The following LEPROT variants were observed in gnomAD, a reference collection of about 807,000 sequenced individuals.
The protein encoded by LEPROT is leptin receptor gene-related protein.
In LEPROT, 3 loss-of-function variants were observed where a neutral mutation model predicts 15.4. That is an observed-to-expected ratio of 0.19 (90% CI 0.09 to 0.50). The LOEUF (loss-of-function observed/expected upper bound fraction) is 0.50. LEPROT is among the 20% of genes least tolerant of loss of function. The pLI is 0.97. For missense variants in LEPROT, 137 were observed against 162.2 expected (o/e 0.84, Z 0.84); for synonymous variants, 59 against 57.5 (o/e 1.03, Z -0.12).
chr1:65,429,971 G>A lies in LEPROT; in HGVS notation c.202G>A (p.Glu68Lys). ...AGATGCAACCAGTAGTGCCTGTCGG[G>A]AACTGGCATATTTCTTCACTACTGG... The part of the protein sequence containing the change: ...DSDATSSACR[E>K]LAYFFTTGIV... The change falls in exon 3 of 4, where the codon GAA becomes AAA. Residue 68 changes from glutamate (E) to lysine (K), a missense_variant. By Grantham distance (56) the Glu-to-Lys change is moderately conservative. Coordinates refer to ENST00000371065, the MANE Select transcript of LEPROT (RefSeq NM_017526.5). 1 of 1,579,416 alleles carries A rather than the reference G, an allele frequency of 6.3e-7. No individual in the cohort carries two copies. The highest frequency in any genetic ancestry group is 8.7e-7 in the Non-Finnish European group (1 of 1,153,612).
chr1:65,433,168 C>T lies in LEPROT; in HGVS notation c.*1249C>T. The T allele has an allele frequency of 1.0e-6, 1 of 985,406 alleles. No homozygotes were observed. The highest frequency in any genetic ancestry group is 4.7e-5 in the South Asian group (1 of 21,286). 61.0% of individuals were successfully genotyped at this position (985,406 alleles called of 1,614,324 possible). On this transcript the variant is annotated 3_prime_UTR_variant, in exon 4 of 4. Coordinates refer to ENST00000371065, the MANE Select transcript of LEPROT (RefSeq NM_017526.5). The stretch of plus-strand genomic sequence containing the variant: ...CTTCTCCCCAGCTCCTTCCCTCTGC[C>T]CCCCACCCCTACTCCTCAACAGTTC...
At chr1:65,424,110 T>C (rs1254993147) in intron 1 of LEPROT, among the ~76,000 whole-genome samples, 1 of 152,158 alleles carries the variant, frequency 6.6e-6, no homozygotes, top group Non-Finnish European at 1.5e-5. Flanking sequence ...GACTCAGAGC[T>C]CAAGATTTTG....
intron 2 of LEPROT, among the ~76,000 whole-genome samples, chr1:65,426,906 G>A (rs1414738350): frequency 6.6e-6 from 1 of 152,170 alleles, no homozygotes; most frequent in East Asian, 1.9e-4. Flanking sequence ...GCTGAGGCAG[G>A]AGAATTGCTT....
chr1:65,420,779 G>A (rs1470688374), intron 1 of LEPROT, 39 bp downstream of exon 1: 3 of 1,568,534 alleles, frequency 1.9e-6, no homozygotes, highest in East Asian at 2.3e-5. Flanking sequence ...GTGTGGTGGG[G>A]TTGCCACCTC....
intron 3 of LEPROT, among the ~76,000 whole-genome samples, chr1:65,430,836 A>G (rs1268267335): frequency 6.6e-6 from 1 of 152,244 alleles, no homozygotes; most frequent in Non-Finnish European, 1.5e-5. Flanking sequence ...CGGTTGAAGC[A>G]TGATCAGAAT....
Position 65,431,806 on chromosome 1 carries a change from A to T in LEPROT, c.283A>T (p.Lys95Ter). The T allele has an allele frequency of 6.2e-7, 1 of 1,612,508 alleles. No individual in the cohort carries two copies. Among genetic ancestry groups the T allele is most frequent in the Non-Finnish European group, 8.5e-7 (1 of 1,179,494 alleles). Residue 95 changes from lysine (K) to a stop codon, truncating the protein, a stop_gained, in exon 4 of 4, where the codon AAA (lysine) becomes TAA (stop). Coordinates refer to ENST00000371065, the MANE Select transcript of LEPROT (RefSeq NM_017526.5). LOFTEE classifies it high-confidence loss of function. Reference sequence around the variant, plus strand: ...TCCTTCTTTTCTTGTCTTTCAGATCAAATGGGGAGCCTGCGGCCTTGTGTT... The same window carrying T: ...TCCTTCTTTTCTTGTCTTTCAGATCTAATGGGGAGCCTGCGGCCTTGTGTT... ...PVILARVAVI[K>*]WGACGLVLAG...
intron 2 of LEPROT, among the ~76,000 whole-genome samples, chr1:65,426,163 C>T (rs1404516309): frequency 1.3e-5 from 2 of 152,094 alleles, no homozygotes; most frequent in Non-Finnish European, 2.9e-5. Flanking sequence ...AGAAAATCAG[C>T]AAGCAGGCCA....
chr1:65,428,709 A>G (rs1646427339), intron 2 of LEPROT, among the ~76,000 whole-genome samples: 1 of 152,174 alleles, frequency 6.6e-6, no homozygotes, highest in South Asian at 2.1e-4. Flanking sequence ...TGTAGTGTAT[A>G]TATAAAAATG....
In LEPROT at chr1:65,433,994, C is replaced by T; in HGVS notation, c.*2075C>T. On this transcript the variant is annotated 3_prime_UTR_variant, in exon 4 of 4. Transcript: ENST00000371065. The stretch of plus-strand genomic sequence containing the variant: ...GCAATAGCTTTTCTTTCTAAGATGG[C>T]AATAATGATTCATTTCTACTACATT... 7.1e-6 allele frequency: 7 copies of T among 985,164 alleles called. No individual in the cohort carries two copies. The highest frequency in any genetic ancestry group is 8.4e-6 in the Non-Finnish European group (7 of 829,728). 61.0% of individuals were successfully genotyped at this position (985,164 alleles called of 1,614,324 possible). A position where few individuals can be genotyped will look rare whatever the true frequency, so the allele number is the denominator to read the frequency against.
Position 65,435,209 on chromosome 1 carries a change from C to T in LEPROT, c.*3290C>T. On this transcript the variant is annotated 3_prime_UTR_variant, in exon 4 of 4. Transcript: ENST00000371065. ...GTTTCTTTTCTTCCACTTAAGAACT[C>T]ATAGATTTTTCTTACTGTCCTAAGG... 3.0e-6 allele frequency: 3 copies of T among 985,380 alleles called. No individual in the cohort carries two copies. Among genetic ancestry groups the T allele is most frequent in the Non-Finnish European group, 3.6e-6 (3 of 829,934 alleles). The allele number at this position is 985,380 out of a possible 1,614,324, so 61.0% of individuals were successfully genotyped here.
chr1:65,435,209 C>CA lies in LEPROT; in HGVS notation c.*3291dup. ...GTTTCTTTTCTTCCACTTAAGAACTCATAGATTTTTCTTACTGTCCTAAGG... is the reference window on the plus strand; with the variant it reads ...GTTTCTTTTCTTCCACTTAAGAACTCAATAGATTTTTCTTACTGTCCTAAGG... On this transcript the variant is annotated 3_prime_UTR_variant, in exon 4 of 4. Coordinates refer to ENST00000371065, the MANE Select transcript of LEPROT (RefSeq NM_017526.5). 1.0e-6 allele frequency: 1 copy of CA among 985,380 alleles called. No individual in the cohort carries two copies. Among genetic ancestry groups the CA allele is most frequent in the Non-Finnish European group, 1.2e-6 (1 of 829,934 alleles). 61.0% of individuals were successfully genotyped at this position (985,380 alleles called of 1,614,324 possible). A position where few individuals can be genotyped will look rare whatever the true frequency, so the allele number is the denominator to read the frequency against.
In LEPROT at chr1:65,435,372, T is replaced by TC; in HGVS notation, c.*3453_*3454insC. On this transcript the variant is annotated 3_prime_UTR_variant, in exon 4 of 4. Coordinates refer to ENST00000371065, the MANE Select transcript of LEPROT (RefSeq NM_017526.5). ...AAAATGTGCCTTTTCTTTTCTTTTT[T>TC]TTTTTTTTTTTTTGAGGCAGAGTCT... 1.1e-6 allele frequency: 1 copy of TC among 887,656 alleles called. No homozygotes were observed. Among genetic ancestry groups the TC allele is most frequent in the Non-Finnish European group, 1.3e-6 (1 of 746,862 alleles). 55.0% of individuals were successfully genotyped at this position (887,656 alleles called of 1,614,324 possible).
chr1:65,420,677 G>C lies in LEPROT; in HGVS notation c.-48G>C, dbSNP rs778179157. 20 of 1,563,430 alleles carry C rather than the reference G, an allele frequency of 1.3e-5. No individual in the cohort carries two copies. Among genetic ancestry groups the C allele is most frequent in the East Asian group, 2.4e-5 (1 of 42,160 alleles). ...CCGGTCTGGCTTGGGCAGGCTGCCC[G>C]GGCCGTGGCAGGAAGCCGGAAGCAG... On this transcript the variant is annotated 5_prime_UTR_variant, in exon 1 of 4. Transcript: ENST00000371065.
At position 65,434,655 on chromosome 1, in the gene LEPROT, C is replaced by T. The variant is rs1230718568; in HGVS notation, c.*2736C>T. 2.0e-6 allele frequency: 2 copies of T among 985,278 alleles called. No individual in the cohort carries two copies. The highest frequency in any genetic ancestry group is 2.4e-6 in the Non-Finnish European group (2 of 829,936). 61.0% of individuals were successfully genotyped at this position (985,278 alleles called of 1,614,324 possible). ...GGAGGAAGGACAGTGCAACTTTCCA[C>T]CCCTTTTCCTAAGAACAAGGTCTTT... is the stretch of plus-strand genomic sequence containing the variant. On this transcript the variant is annotated 3_prime_UTR_variant, in exon 4 of 4. Transcript: ENST00000371065.
chr1:65,429,364 AT>A (rs1646442447), intron 2 of LEPROT, among the ~76,000 whole-genome samples: 1 of 152,196 alleles, frequency 6.6e-6, no homozygotes, highest in Non-Finnish European at 1.5e-5. Context: ...GATTAAGCAA[AT>A]GAAGGGAAAA....
Position 65,432,847 on chromosome 1 carries a change from A to C in LEPROT, c.*928A>C. 4.5e-6 allele frequency: 3 copies of C among 660,156 alleles called. No individual in the cohort carries two copies. The highest frequency in any genetic ancestry group is 5.6e-6 in the Non-Finnish European group (3 of 532,860). 40.9% of individuals were successfully genotyped at this position (660,156 alleles called of 1,614,324 possible). A position where few individuals can be genotyped will look rare whatever the true frequency, so the allele number is the denominator to read the frequency against. Reference sequence around the variant, plus strand: ...AAAAAAGTTAAATATTTGAGATCATATGTTAATTAGTGTAATCATTCCACC... The same window carrying C: ...AAAAAAGTTAAATATTTGAGATCATCTGTTAATTAGTGTAATCATTCCACC... On this transcript the variant is annotated 3_prime_UTR_variant, in exon 4 of 4. Transcript: ENST00000371065.
In LEPROT at chr1:65,434,394, T is replaced by G. The variant is rs909473522; in HGVS notation, c.*2475T>G. ...CTATAGTCGAAAACTGAGATTGCAC[T>G]TCCAAAATTGGCCACAAGTAAATAA... is the stretch of plus-strand genomic sequence containing the variant. On this transcript the variant is annotated 3_prime_UTR_variant, in exon 4 of 4. Coordinates refer to ENST00000371065, the MANE Select transcript of LEPROT (RefSeq NM_017526.5). The G allele has an allele frequency of 1.0e-6, 1 of 985,412 alleles. No individual in the cohort carries two copies. The highest frequency in any genetic ancestry group is 1.2e-6 in the Non-Finnish European group (1 of 829,932). 61.0% of individuals were successfully genotyped at this position (985,412 alleles called of 1,614,324 possible).
chr1:65,424,222 T>C (rs1646313254), intron 1 of LEPROT, among the ~76,000 whole-genome samples: 1 of 152,234 alleles, frequency 6.6e-6, no homozygotes, highest in Admixed American at 6.5e-5. Flanking sequence ...GGAATACATA[T>C]TTTATTCAGT....
In LEPROT at chr1:65,434,099, T is replaced by G; in HGVS notation, c.*2180T>G. ...ATATGTAGCCTTAAAGCATTACCTCTTGATTGTATCTTTAGATTGATATAA... is the reference window on the plus strand; with the variant it reads ...ATATGTAGCCTTAAAGCATTACCTCGTGATTGTATCTTTAGATTGATATAA... On this transcript the variant is annotated 3_prime_UTR_variant, in exon 4 of 4. Coordinates refer to ENST00000371065, the MANE Select transcript of LEPROT (RefSeq NM_017526.5). 3.0e-6 allele frequency: 3 copies of G among 984,982 alleles called. No homozygotes were observed. Among genetic ancestry groups the G allele is most frequent in the Non-Finnish European group, 3.6e-6 (3 of 829,508 alleles). The allele number at this position is 984,982 out of a possible 1,614,324, so 61.0% of individuals were successfully genotyped here. A position where few individuals can be genotyped will look rare whatever the true frequency, so the allele number is the denominator to read the frequency against.
Sources: allele counts gnomAD v4.1 joint callset (sites outside exome capture counted in the v4.1 genomes callset), GRCh38; gene constraint gnomAD v4.1.1; transcripts MANE v1.5; gene names NCBI Gene and HGNC (gene_info 2026-07-23, HGNC 2026-07-21).